The following PTPRD variants were observed in gnomAD, a reference collection of about 807,000 sequenced individuals.
PTPRD encodes the protein protein tyrosine phosphatase receptor type D.
In PTPRD, 34 loss-of-function variants were observed where a neutral mutation model predicts 214.5. That is an observed-to-expected ratio of 0.16 (90% CI 0.12 to 0.21). The LOEUF (loss-of-function observed/expected upper bound fraction) is 0.21, where lower values mean the gene tolerates loss of function less well. PTPRD is among the 10% of genes least tolerant of loss of function. The pLI is 1.00. For missense variants in PTPRD, 2,545 were observed against 2,398.7 expected, an observed-to-expected ratio of 1.06 and a Z score of -1.27; for synonymous variants, 1,128 against 845.7, an observed-to-expected ratio of 1.33 and a Z score of -5.79.
intron 11 of PTPRD, among the ~76,000 whole-genome samples, chr9:8,964,136 CTCT>C (rs1825988231): frequency 7.4e-6 from 1 of 135,274 alleles, no homozygotes; most frequent in South Asian, 2.4e-4. Flanking sequence ...TTGGTACTAG[CTCT>C]TCTTTGTACA....
intron 11 of PTPRD, among the ~76,000 whole-genome samples, chr9:8,842,037 C>A (rs1200700061): frequency 6.6e-6 from 1 of 151,374 alleles, no homozygotes; most frequent in Non-Finnish European, 1.5e-5. Context: ...ACTATTGCTG[C>A]ATACTTTCTG....
intron 10 of PTPRD, among the ~76,000 whole-genome samples, chr9:9,052,025 T>C (rs1347331689): frequency 6.6e-6 from 1 of 152,202 alleles, no homozygotes; most frequent in Non-Finnish European, 1.5e-5. Flanking sequence ...CTGGATGGCT[T>C]AAACAACAAA....
At chr9:9,651,090 C>G (rs368187486) in intron 7 of PTPRD, among the ~76,000 whole-genome samples, 1 of 152,074 alleles carries the variant, frequency 6.6e-6, no homozygotes, top group Non-Finnish European at 1.5e-5. Context: ...CCCATGGTTA[C>G]TCTTCTAATA....
At chr9:9,759,315 C>A (rs149073311) in intron 6 of PTPRD, among the ~76,000 whole-genome samples, 3 of 152,010 alleles carry the variant, frequency 2.0e-5, no homozygotes, top group Non-Finnish European at 2.9e-5. Flanking sequence ...CACTGACTGC[C>A]GCAAACCCCA....
intron 6 of PTPRD, among the ~76,000 whole-genome samples, chr9:9,747,089 G>T (rs1443397264): frequency 6.6e-6 from 1 of 152,148 alleles, no homozygotes; most frequent in Non-Finnish European, 1.5e-5. Context: ...CTGCTGGAGA[G>T]AAATGTATTG....
At chr9:10,532,096 T>A (rs1455625200) in intron 2 of PTPRD, 1 of 152,198 alleles carries the variant, frequency 6.6e-6, no homozygotes, top group Admixed American at 6.6e-5. Context: ...AATGGACTTT[T>A]AAGCTGATAT....
chr9:8,699,879 A>C (rs966408142), intron 12 of PTPRD, among the ~76,000 whole-genome samples: 1 of 152,184 alleles, frequency 6.6e-6, no homozygotes, highest in African/African-American at 2.4e-5. Flanking sequence ...TCCCATTGTG[A>C]TAAGGGCAAA....
chr9:9,436,008 T>C (rs1420253539), intron 8 of PTPRD, among the ~76,000 whole-genome samples: 1 of 152,174 alleles, frequency 6.6e-6, no homozygotes, highest in Non-Finnish European at 1.5e-5. Context: ...CACTTTCCTG[T>C]AGATATATAC....
rs1841269862 is a variant in PTPRD at position 8,331,664 on chromosome 9, C to CTCCGGACTT, written c.5443_5451dup (p.Lys1815_Gly1817dup). On this transcript the variant is annotated inframe_insertion, in exon 44 of 46. Coordinates refer to ENST00000381196, the MANE Select transcript of PTPRD (RefSeq NM_002839.4). ...TGGCCGATGAAGTCAATAAATCCTT[C>CTCCGGACTT]TCCGGACTTTGGCACTCCTTGCTCT... 6.2e-7 allele frequency: 1 copy of CTCCGGACTT among 1,613,774 alleles called. No homozygotes were observed. Among genetic ancestry groups the CTCCGGACTT allele is most frequent in the Admixed American group, 1.7e-5 (1 of 59,964 alleles).
At chr9:9,345,837 A>G (rs765562446) in intron 9 of PTPRD, among the ~76,000 whole-genome samples, 5 of 152,196 alleles carry the variant, frequency 3.3e-5, no homozygotes, top group Non-Finnish European at 2.9e-5. Context: ...GGTTATTGTG[A>G]TGATTAGATT....
At chr9:10,557,516 C>T (rs924840419) in intron 2 of PTPRD, among the ~76,000 whole-genome samples, 1 of 152,110 alleles carries the variant, frequency 6.6e-6, no homozygotes, top group Non-Finnish European at 1.5e-5. Context: ...TCCAGCTTTC[C>T]CATAACTTGT....
chr9:8,588,795 C>T (rs1007824945), intron 14 of PTPRD, among the ~76,000 whole-genome samples: 1 of 152,090 alleles, frequency 6.6e-6, no homozygotes, highest in Non-Finnish European at 1.5e-5. Flanking sequence ...CATCAACCAG[C>T]AGAAATAAGA....
At chr9:8,909,914 C>G (rs2098735619) in intron 11 of PTPRD, among the ~76,000 whole-genome samples, 1 of 150,782 alleles carries the variant, frequency 6.6e-6, no homozygotes, top group Non-Finnish European at 1.5e-5. Context: ...GTAACACTGT[C>G]TTTATTTATA....
intron 10 of PTPRD, among the ~76,000 whole-genome samples, chr9:9,150,221 T>C (rs1472252144): frequency 6.6e-6 from 1 of 152,020 alleles, no homozygotes; most frequent in Non-Finnish European, 1.5e-5. Context: ...GTGATATTAG[T>C]GTTCCAGGGA....
intron 31 of PTPRD, among the ~76,000 whole-genome samples, chr9:8,469,971 T>C (rs1182264236): frequency 3.3e-5 from 5 of 152,112 alleles, no homozygotes; most frequent in African/African-American, 7.2e-5. Context: ...CTCTGTAATG[T>C]AGGTAGGGAA....
intron 9 of PTPRD, among the ~76,000 whole-genome samples, chr9:9,244,785 T>C (rs1020484280): frequency 9.2e-5 from 14 of 152,132 alleles, no homozygotes; most frequent in African/African-American, 2.2e-4. Context: ...AATTGACAAA[T>C]GGGATCTCAT....
intron 9 of PTPRD, among the ~76,000 whole-genome samples, chr9:9,186,665 T>TCACA (rs71500976): frequency 5.0e-5 from 7 of 138,698 alleles, no homozygotes; most frequent in African/African-American, 1.7e-4. Flanking sequence ...TCTCTCTCTC[T>TCACA]CACACACACA....
chr9:9,834,040 T>G (rs9299098), intron 5 of PTPRD, among the ~76,000 whole-genome samples: 73,277 of 151,892 alleles, frequency 0.48, 19,136 homozygotes, highest in Non-Finnish European at 0.6. Flanking sequence ...AATCACAAGG[T>G]TATTGACTGG....
intron 10 of PTPRD, among the ~76,000 whole-genome samples, chr9:9,134,058 C>CTTTTTTTTTTT (rs928663989): frequency 2.7e-5 from 2 of 75,422 alleles, no homozygotes; most frequent in South Asian, 5.8e-4. Context: ...TAGAATCATT[C>CTTTTTTTTTTT]TTTTTTTTTT....
Sources: allele counts gnomAD v4.1 joint callset (sites outside exome capture counted in the v4.1 genomes callset), GRCh38; gene constraint gnomAD v4.1.1; transcripts MANE v1.5; gene names NCBI Gene and HGNC (gene_info 2026-07-23, HGNC 2026-07-21).